PKP4: variants seen among roughly 807,000 people sequenced by gnomAD.
PKP4 encodes the protein plakophilin 4, also known as plakophilin-4.
A neutral mutation model predicts 145.1 loss-of-function variants in PKP4; 90 were observed. That is an observed-to-expected ratio of 0.62 (90% CI 0.52 to 0.74). The LOEUF is 0.74. PKP4 is among the 30% of genes least tolerant of loss of function. The pLI, the probability that PKP4 is intolerant of heterozygous loss-of-function variation, is 0.00. For synonymous variants in PKP4, 563 were observed against 577.2 expected (o/e 0.98, Z 0.35); for missense variants, 1,340 against 1,482.7 (o/e 0.90, Z 1.58).
intron 1 of PKP4, among the ~76,000 whole-genome samples, chr2:158,488,957 A>G (rs1694552027): frequency 6.6e-6 from 1 of 152,214 alleles, no homozygotes; most frequent in Non-Finnish European, 1.5e-5. Flanking sequence ...CTTCATTTGC[A>G]TCAACTATTT....
At chr2:158,533,430 A>C in intron 2 of PKP4, 114 bp downstream of exon 2, 2 of 1,258,882 alleles carry the variant, frequency 1.6e-6, no homozygotes, top group Non-Finnish European at 2.3e-6. Flanking sequence ...ACGTTTTCTA[A>C]TTATAAGGTG....
At chr2:158,533,159 C>G (rs1427020659) in intron 1 of PKP4, 21 bp from the exon 2 acceptor site, 14 of 1,598,578 alleles carry the variant, frequency 8.8e-6, no homozygotes, top group Non-Finnish European at 1.1e-5. Flanking sequence ...AAGTGTTAAC[C>G]CTTTGCCTGC....
At position 158,621,540 on chromosome 2, in the gene PKP4, G is replaced by A. The variant is rs900272739; in HGVS notation, c.603+119G>A. The stretch of plus-strand genomic sequence containing the variant: ...GCGGGTGGATCACCTGAGGTCAGGA[G>A]TTCAAGACCAGCCTGCCTAACATGG... On this transcript the variant is annotated intron_variant, in intron 6 of 21. Coordinates refer to ENST00000389759, the MANE Select transcript of PKP4 (RefSeq NM_003628.6). 7 of 728,402 alleles carry A rather than the reference G, an allele frequency of 9.6e-6. No individual in the cohort carries two copies. The Admixed American group carries it at 1.9e-4, about 20-fold the overall frequency. The allele number at this position is 728,402 out of a possible 1,614,324, so 45.1% of individuals were successfully genotyped here.
intron 6 of PKP4, among the ~76,000 whole-genome samples, chr2:158,622,811 G>A (rs1164583366): frequency 6.6e-6 from 1 of 152,212 alleles, no homozygotes; most frequent in African/African-American, 2.4e-5. Context: ...ATGCTTTGGT[G>A]GAAAAGTTTG....
chr2:158,507,791 G>A (rs1479689172), intron 1 of PKP4, among the ~76,000 whole-genome samples: 3 of 152,136 alleles, frequency 2.0e-5, no homozygotes, highest in African/African-American at 4.8e-5. Flanking sequence ...GGGGGTCTCC[G>A]GGTCCACAGA....
intron 1 of PKP4, among the ~76,000 whole-genome samples, chr2:158,477,017 T>C (rs1692582288): frequency 6.6e-6 from 1 of 152,144 alleles, no homozygotes; most frequent in Non-Finnish European, 1.5e-5. Flanking sequence ...ACCTGTATAA[T>C]AGAATTCTTT....
chr2:158,485,650 G>T (rs1210433892), intron 1 of PKP4, among the ~76,000 whole-genome samples: 1 of 152,012 alleles, frequency 6.6e-6, no homozygotes, highest in Non-Finnish European at 1.5e-5. Flanking sequence ...ATGAGAATAG[G>T]GTCTCTTTTA....
In PKP4 at chr2:158,535,505, G is replaced by T. The variant is rs1026011506; in HGVS notation, c.132+2189G>T. On this transcript the variant is annotated intron_variant, in intron 2 of 21. Transcript: ENST00000389759. ...GCTCACTGCAGCTTCAAACTCCTGG[G>T]CTCAAGCAATCCTCCCACCTCAGCC... Among the ~76,000 whole-genome samples the T allele has an allele frequency of 1.2e-4, 18 of 152,228 alleles. 1 individual carries two copies. The highest frequency in any genetic ancestry group is 9.2e-4 in the Admixed American group (14 of 15,288).
At chr2:158,564,828 T>C (rs2046841358) in intron 2 of PKP4, among the ~76,000 whole-genome samples, 1 of 152,222 alleles carries the variant, frequency 6.6e-6, no homozygotes, top group Non-Finnish European at 1.5e-5. Flanking sequence ...ACTTTTCCCA[T>C]TGAATGAAAT....
intron 6 of PKP4, among the ~76,000 whole-genome samples, chr2:158,622,259 TAG>T (rs901802033): frequency 6.6e-6 from 1 of 152,180 alleles, no homozygotes; most frequent in Non-Finnish European, 1.5e-5. Flanking sequence ...AGTTATTGTA[TAG>T]AAACATATCC....
intron 1 of PKP4, among the ~76,000 whole-genome samples, chr2:158,520,915 GTTCA>G (rs2042317127): frequency 1.3e-5 from 2 of 152,118 alleles, no homozygotes; most frequent in Non-Finnish European, 2.9e-5. Flanking sequence ...TAGAGCTTTG[GTTCA>G]TTCATTTATT....
At chr2:158,477,198 A>G (rs1056410132) in intron 1 of PKP4, among the ~76,000 whole-genome samples, 12 of 152,162 alleles carry the variant, frequency 7.9e-5, no homozygotes, top group Non-Finnish European at 1.5e-5. Context: ...TTTTAGACCA[A>G]GGAAAGATGT....
chr2:158,648,886 T>C (rs1400305139), intron 11 of PKP4, among the ~76,000 whole-genome samples: 1 of 114,506 alleles, frequency 8.7e-6, no homozygotes, highest in Non-Finnish European at 2.0e-5. Flanking sequence ...GTAATCCAGC[T>C]ACTAGAGAGT....
chr2:158,657,666 C>G (rs3764834), intron 11 of PKP4, among the ~76,000 whole-genome samples: 17,461 of 152,158 alleles, frequency 0.11, 1,319 homozygotes, highest in Non-Finnish European at 0.16. Context: ...GAAAAACATG[C>G]CAGTCTTTCA....
At chr2:158,561,222 TGTG>T (rs2046486199) in intron 2 of PKP4, among the ~76,000 whole-genome samples, 2 of 152,224 alleles carry the variant, frequency 1.3e-5, no homozygotes, top group African/African-American at 2.4e-5. Context: ...GGTGAGTAGT[TGTG>T]ACACAGACCT....
At chr2:158,643,777 G>GT (rs1161074282) in intron 11 of PKP4, among the ~76,000 whole-genome samples, 1 of 151,330 alleles carries the variant, frequency 6.6e-6, no homozygotes, top group Non-Finnish European at 1.5e-5. Context: ...TTAGGGAACT[G>GT]TTTTTTTAGA....
intron 1 of PKP4, among the ~76,000 whole-genome samples, chr2:158,465,385 T>TCC (rs1447805447): frequency 6.6e-6 from 1 of 152,208 alleles, no homozygotes; most frequent in African/African-American, 2.4e-5. Flanking sequence ...GTTTTAATCA[T>TCC]GAACTTGATT....
intron 3 of PKP4, among the ~76,000 whole-genome samples, chr2:158,594,502 G>T (rs1334535046): frequency 6.6e-6 from 1 of 152,130 alleles, no homozygotes; most frequent in African/African-American, 2.4e-5. Flanking sequence ...CTTGGGAATA[G>T]CCTTAGGAAG....
Position 158,577,275 on chromosome 2 carries a change from T to C in PKP4, c.137T>C (p.Leu46Pro). 1 of 1,610,364 alleles carries C rather than the reference T, an allele frequency of 6.2e-7. No individual in the cohort carries two copies. Among genetic ancestry groups the C allele is most frequent in the Non-Finnish European group, 8.5e-7 (1 of 1,177,646 alleles). The change falls in exon 3 of 22, where the codon CTT becomes CCT. Residue 46 changes from leucine to proline, a missense_variant. Coordinates refer to ENST00000389759, the MANE Select transcript of PKP4 (RefSeq NM_003628.6). Reference sequence around the variant, plus strand: ...TTTTATTTTCTTGAATCACAGGAGCTTCAGTTTCAGCGACTCACCCGAGAA... The same window carrying C: ...TTTTATTTTCTTGAATCACAGGAGCCTCAGTTTCAGCGACTCACCCGAGAA... ...TILASVKEQE[L>P]QFQRLTRELE...
Sources: allele counts gnomAD v4.1 joint callset (sites outside exome capture counted in the v4.1 genomes callset), GRCh38; gene constraint gnomAD v4.1.1; transcripts MANE v1.5; gene names NCBI Gene and HGNC (gene_info 2026-07-23, HGNC 2026-07-21).